Variants in TMEM181 observed in about 807,000 individuals in gnomAD.
TMEM181 encodes transmembrane protein 181.
Under a neutral mutation model 71.9 loss-of-function variants are expected in TMEM181, and 39 were observed. The observed-to-expected ratio is 0.54, with a 90% confidence interval of 0.42 to 0.71. The LOEUF (loss-of-function observed/expected upper bound fraction) is 0.71. Among genes scored for constraint, TMEM181 ranks in the 30% least tolerant of loss-of-function variants. TMEM181 has a pLI of 0.00. For missense variants in TMEM181, 595 were observed against 583.0 expected (o/e 1.02, Z -0.21); for synonymous variants, 245 against 228.8 (o/e 1.07, Z -0.64).
At chr6:158,589,874 A>ATTT (rs760734007) in intron 6 of TMEM181, 92 bp downstream of exon 6, 3 of 963,062 alleles carry the variant, frequency 3.1e-6, no homozygotes, top group Non-Finnish European at 4.8e-6. Flanking sequence ...GCATCTAAAT[A>ATTT]ATGTTAATTT....
At chr6:158,623,341 C>T (rs1467983203) in intron 10 of TMEM181, among the ~76,000 whole-genome samples, 1 of 151,960 alleles carries the variant, frequency 6.6e-6, no homozygotes, top group Non-Finnish European at 1.5e-5. Context: ...TAAATGTGGA[C>T]CCTTGGTAGG....
At chr6:158,576,176 T>C (rs533649689) in intron 2 of TMEM181, among the ~76,000 whole-genome samples, 157 of 152,306 alleles carry the variant, frequency 1.0e-3, no homozygotes, top group African/African-American at 3.7e-3. Flanking sequence ...GCTTGTACAT[T>C]AGATGGTGGC....
At chr6:158,573,038 G>C (rs12529055) in intron 1 of TMEM181, among the ~76,000 whole-genome samples, 33,474 of 151,980 alleles carry the variant, frequency 0.22, 4,111 homozygotes, top group Middle Eastern at 0.29. Context: ...GTGTGTGTGC[G>C]TGTGTGTATG....
intron 6 of TMEM181, among the ~76,000 whole-genome samples, chr6:158,595,399 G>A (rs1381177274): frequency 1.3e-5 from 2 of 152,202 alleles, no homozygotes; most frequent in African/African-American, 2.4e-5. Context: ...CAAGGATGTG[G>A]GGCAGGCAGA....
intron 4 of TMEM181, 99 bp from the exon 5 acceptor site, chr6:158,585,205 G>C (rs577688886): frequency 1.5e-6 from 2 of 1,369,038 alleles, no homozygotes; most frequent in African/African-American, 2.9e-5. Context: ...GACCTTAAGC[G>C]TTTTCCTGGC....
chr6:158,537,532 GC>G (rs1447571351), intron 1 of TMEM181, among the ~76,000 whole-genome samples: 1 of 152,322 alleles, frequency 6.6e-6, no homozygotes, highest in African/African-American at 2.4e-5. Context: ...GCCGGCCCCC[GC>G]CCCCTTCCTC....
chr6:158,587,015 C>T (rs754912953), intron 5 of TMEM181, among the ~76,000 whole-genome samples: 6 of 152,276 alleles, frequency 3.9e-5, no homozygotes, highest in Middle Eastern at 3.4e-3. Flanking sequence ...CCTATCCGAG[C>T]GCCTGGTGGC....
chr6:158,614,121 G>A (rs1482139384), intron 10 of TMEM181, among the ~76,000 whole-genome samples: 1 of 152,128 alleles, frequency 6.6e-6, no homozygotes, highest in South Asian at 2.1e-4. Context: ...ACAATTTCAT[G>A]TACCTAAACA....
intron 1 of TMEM181, among the ~76,000 whole-genome samples, chr6:158,571,174 G>A (rs991328052): frequency 2.0e-5 from 3 of 152,126 alleles, no homozygotes; most frequent in Non-Finnish European, 4.4e-5. Flanking sequence ...TTGGCTCACT[G>A]CAAGCTCCGC....
At chr6:158,603,911 CGTT>C (rs1784804517) in intron 6 of TMEM181, among the ~76,000 whole-genome samples, 1 of 152,092 alleles carries the variant, frequency 6.6e-6, no homozygotes, top group Non-Finnish European at 1.5e-5. Context: ...TGTTCTGGGA[CGTT>C]GTTAATTTCC....
chr6:158,625,816 T>C, intron 13 of TMEM181, 62 bp downstream of exon 13: 1 of 1,431,938 alleles, frequency 7.0e-7, no homozygotes, highest in Non-Finnish European at 9.7e-7. Flanking sequence ...GTCAGGAATA[T>C]CTGTTGCCTC....
chr6:158,609,499 C>T (rs145214792), intron 10 of TMEM181, among the ~76,000 whole-genome samples: 30 of 152,288 alleles, frequency 2.0e-4, no homozygotes, highest in African/African-American at 7.0e-4. Context: ...CAGGCAGTCC[C>T]CTTACCCCTC....
At chr6:158,544,218 T>TGTGTGTGTGTG (rs1554300407) in intron 1 of TMEM181, among the ~76,000 whole-genome samples, 7 of 144,158 alleles carry the variant, frequency 4.9e-5, no homozygotes, top group Admixed American at 7.0e-5. Flanking sequence ...TGTGTGTGTG[T>TGTGTGTGTGTG]TGGGGTGAGG....
intron 6 of TMEM181, among the ~76,000 whole-genome samples, chr6:158,596,244 C>T (rs946425708): frequency 1.3e-5 from 2 of 152,178 alleles, no homozygotes; most frequent in Admixed American, 6.5e-5. Context: ...TCTTTATACA[C>T]GTTACCTTCA....
chr6:158,573,382 TC>T (rs1562628673), intron 1 of TMEM181, 37 bp from the exon 2 acceptor site: 1 of 1,526,786 alleles, frequency 6.5e-7, no homozygotes, highest in Non-Finnish European at 8.9e-7. Flanking sequence ...CTCCGGGCCT[TC>T]CCCTGACCGT....
At chr6:158,587,319 C>T (rs4708797) in intron 5 of TMEM181, among the ~76,000 whole-genome samples, 100,924 of 151,988 alleles carry the variant, frequency 0.66, 33,956 homozygotes, top group Middle Eastern at 0.77. Context: ...AGCGCATCTT[C>T]ATGGTTTCTT....
upstream of TMEM181, among the ~76,000 whole-genome samples, chr6:158,557,265 A>G (rs1781929037): frequency 6.6e-6 from 1 of 152,116 alleles, no homozygotes; most frequent in Non-Finnish European, 1.5e-5. Context: ...TCTCAGCTAC[A>G]TGGGAGACTG....
chr6:158,550,892 GAAA>G lies in TMEM181; in HGVS notation c.131+14046_131+14048del, dbSNP rs368216274. Among the ~76,000 whole-genome samples the G allele has an allele frequency of 9.8e-3, 857 of 87,098 alleles. 12 individuals carry two copies. The highest frequency in any genetic ancestry group is 0.025 in the African/African-American group (569 of 23,192). 57.1% of individuals were successfully genotyped at this position (87,098 alleles called of 152,430 possible). On this transcript the variant is annotated intron_variant, in intron 1 of 16. Transcript: ENST00000367090. ...GGGTGAGAGTGAGACTCTGTCTCAG[GAAA>G]AAAAAAAAAAAAAAAAAAGAACCAA...
chr6:158,554,231 G>T (rs1479144960), intron 1 of TMEM181, among the ~76,000 whole-genome samples: 1 of 152,052 alleles, frequency 6.6e-6, no homozygotes, highest in Non-Finnish European at 1.5e-5. Flanking sequence ...GATTACAGGC[G>T]CCTGCCACCA....
Sources: gnomAD v4.1 joint callset for allele counts (sites outside exome capture counted in the v4.1 genomes callset) on GRCh38, gnomAD v4.1.1 for gene constraint, MANE v1.5 for transcripts, NCBI Gene and HGNC (gene_info 2026-07-23, HGNC 2026-07-21) for gene names.